Variants in PSEN2 observed in about 807,000 individuals in gnomAD.
PSEN2 encodes the protein presenilin 2, also known as presenilin-2.
In PSEN2, 32 loss-of-function variants were observed where a neutral mutation model predicts 49.1. The ratio of observed to expected loss-of-function variants is 0.65; its 90% CI spans 0.49 to 0.88. The LOEUF is 0.88. Among genes scored for constraint, PSEN2 ranks in the 40% least tolerant of loss-of-function variants. The pLI is 0.00. For missense variants in PSEN2, 522 were observed against 586.9 expected, an observed-to-expected ratio of 0.89 and a Z score of 1.14; for synonymous variants, 255 against 244.0, an observed-to-expected ratio of 1.05 and a Z score of -0.42.
At position 226,871,351 on chromosome 1, in the gene PSEN2, T is replaced by C. The variant is rs2102643963; in HGVS notation, c.-260T>C. ...AGCTAGTCCCCCCTCTGAATTTTAC[T>C]GATGAAGAAACTGAGGCCACAGAGC... On this transcript the variant is annotated 5_prime_UTR_variant, in exon 2 of 13. Coordinates refer to ENST00000366783, the MANE Select transcript of PSEN2 (RefSeq NM_000447.3). 6.6e-6 allele frequency: 1 copy of C among 152,362 alleles called. No homozygotes were observed. Among genetic ancestry groups the C allele is most frequent in the East Asian group, 1.9e-4 (1 of 5,178 alleles). 9.4% of individuals were successfully genotyped at this position (152,362 alleles called of 1,614,324 possible).
At position 226,881,919 on chromosome 1, in the gene PSEN2, C is replaced by T; in HGVS notation, c.12C>T (p.Phe4=). The T allele has an allele frequency of 6.2e-7, 1 of 1,614,232 alleles. No homozygotes were observed. Among genetic ancestry groups the T allele is most frequent in the Non-Finnish European group, 8.5e-7 (1 of 1,180,052 alleles). The change falls in exon 4 of 13, where the codon TTC becomes TTT. Residue 4 remains phenylalanine (F), a synonymous_variant. Transcript: ENST00000366783. ...CCAGAGGCAGGGCTATGCTCACATTCATGGCCTCTGACAGCGAGGAAGAAG... is the reference window on the plus strand; with the variant it reads ...CCAGAGGCAGGGCTATGCTCACATTTATGGCCTCTGACAGCGAGGAAGAAG... MLT[F]MASDSEEEVC... is the part of the protein sequence containing the mutation.
chr1:226,877,752 A>G (rs1029727351), intron 3 of PSEN2, among the ~76,000 whole-genome samples: 1 of 152,226 alleles, frequency 6.6e-6, no homozygotes, highest in African/African-American at 2.4e-5. Flanking sequence ...GCTCAAGGGA[A>G]CACTTGTTTT....
chr1:226,872,590 GACAA>G (rs943307399), intron 2 of PSEN2, among the ~76,000 whole-genome samples: 19 of 152,176 alleles, frequency 1.2e-4, no homozygotes, highest in African/African-American at 1.4e-4. Context: ...GCAACTTCCT[GACAA>G]ACAAACAAAA....
intron 3 of PSEN2, chr1:226,880,567 G>GGACAGCGATCACTCAGCCTCTGGACA: frequency 6.3e-7 from 1 of 1,580,576 alleles, no homozygotes; most frequent in Non-Finnish European, 8.5e-7. Context: ...CTCAGCCTCT[G>GGACAGCGATCACTCAGCCTCTGGACA]GACAGCGATC....
chr1:226,888,508 C>G (rs948001839), intron 7 of PSEN2, among the ~76,000 whole-genome samples: 1 of 152,224 alleles, frequency 6.6e-6, no homozygotes, highest in Non-Finnish European at 1.5e-5. Flanking sequence ...GAAAAATTAT[C>G]TGTTCTATCG....
chr1:226,878,339 C>T (rs1350964506), intron 3 of PSEN2, among the ~76,000 whole-genome samples: 2 of 152,166 alleles, frequency 1.3e-5, no homozygotes, highest in African/African-American at 4.8e-5. Context: ...CTCAGACAGG[C>T]ATGAGCACCG....
intron 2 of PSEN2, among the ~76,000 whole-genome samples, chr1:226,873,757 A>G (rs1211303877): frequency 2.0e-5 from 3 of 152,146 alleles, no homozygotes; most frequent in Non-Finnish European, 4.4e-5. Context: ...CACACTGTTC[A>G]CATATGCATA....
downstream of PSEN2, among the ~76,000 whole-genome samples, chr1:226,901,164 G>A (rs146547542): frequency 1.4e-4 from 21 of 152,222 alleles, no homozygotes; most frequent in Middle Eastern, 0.014. Context: ...GGCTACGCAC[G>A]GTGGCTCACA....
intron 2 of PSEN2, among the ~76,000 whole-genome samples, chr1:226,872,528 C>A (rs1465557329): frequency 6.6e-6 from 1 of 152,164 alleles, no homozygotes; most frequent in African/African-American, 2.4e-5. Context: ...GTATTCAACT[C>A]CTACCCGTGT....
chr1:226,884,273 TC>T (rs1661204071), intron 5 of PSEN2, among the ~76,000 whole-genome samples: 1 of 152,218 alleles, frequency 6.6e-6, no homozygotes, highest in Non-Finnish European at 1.5e-5. Context: ...AAGCTCTTGA[TC>T]CTGGGCATGG....
At chr1:226,894,504 C>T (rs567157206) in intron 12 of PSEN2, among the ~76,000 whole-genome samples, 24 of 152,346 alleles carry the variant, frequency 1.6e-4, no homozygotes, top group East Asian at 3.9e-4. Flanking sequence ...TGCCCATGGG[C>T]GCAAAGCTAG....
At chr1:226,882,126 C>G (rs990938233) in intron 4 of PSEN2, 78 bp downstream of exon 4, 4 of 1,565,286 alleles carry the variant, frequency 2.6e-6, no homozygotes, top group Non-Finnish European at 3.5e-6. Flanking sequence ...ACCAGACATT[C>G]ATTCCCTGAT....
downstream of PSEN2, among the ~76,000 whole-genome samples, chr1:226,896,851 C>T (rs79760168): frequency 8.9e-4 from 136 of 152,200 alleles, 1 homozygote; most frequent in Admixed American, 7.2e-4. Context: ...GCTGAGAAGA[C>T]GCAAGTGTGC....
intron 3 of PSEN2, among the ~76,000 whole-genome samples, chr1:226,877,724 G>A (rs578247756): frequency 6.6e-6 from 1 of 152,370 alleles, no homozygotes; most frequent in African/African-American, 2.4e-5. Context: ...TTTGAAAGTG[G>A]AATGAGGGAA....
intron 3 of PSEN2, 99 bp from the exon 4 acceptor site, chr1:226,881,789 G>A: frequency 2.2e-6 from 3 of 1,337,282 alleles, no homozygotes. Context: ...GGCAGGACTT[G>A]TGTCCAAGTC....
intron 4 of PSEN2, 38 bp from the exon 5 acceptor site, chr1:226,883,667 G>C: frequency 2.5e-6 from 4 of 1,595,378 alleles, no homozygotes; most frequent in Non-Finnish European, 3.4e-6. Context: ...GCTGCCGTGG[G>C]GGACATTCTG....
In PSEN2 at chr1:226,882,047, G is replaced by C. The variant is rs1412682521; in HGVS notation, c.140G>C (p.Trp47Ser). The change falls in exon 4 of 13, where the codon TGG becomes TCG. Residue 47 changes from tryptophan to serine, a missense_variant and splice_region_variant. Coordinates refer to ENST00000366783, the MANE Select transcript of PSEN2 (RefSeq NM_000447.3). ...GAGGATGGAGAGAACACTGCCCAGTGGGTAGGTCCCACCAGCAGCTGGGGG... is the reference window on the plus strand; with the variant it reads ...GAGGATGGAGAGAACACTGCCCAGTCGGTAGGTCCCACCAGCAGCTGGGGG... ...GPEDGENTAQ[W>S]RSQENEEDGE... is the part of the protein sequence containing the mutation. 1.2e-6 allele frequency: 2 copies of C among 1,613,754 alleles called. No individual in the cohort carries two copies. The highest frequency in any genetic ancestry group is 8.5e-7 in the Non-Finnish European group (1 of 1,179,998).
chr1:226,885,409 CA>C (rs1661290251), intron 5 of PSEN2, 128 bp from the exon 6 acceptor site: 31 of 1,035,828 alleles, frequency 3.0e-5, no homozygotes, highest in Non-Finnish European at 4.4e-5. Context: ...GCCCGCACTC[CA>C]TCAGGGCAGC....
chr1:226,903,314 T>TGCAAAGAGCCATCTTCCC (rs1662373173), intron 12 of PSEN2, among the ~76,000 whole-genome samples: 1 of 152,218 alleles, frequency 6.6e-6, no homozygotes, highest in African/African-American at 2.4e-5. Flanking sequence ...GACAGCTTCC[T>TGCAAAGAGCCATCTTCCC]GCAAAGAGCC....
Sources: gnomAD v4.1 joint callset for allele counts (sites outside exome capture counted in the v4.1 genomes callset) on GRCh38, gnomAD v4.1.1 for gene constraint, MANE v1.5 for transcripts, NCBI Gene and HGNC (gene_info 2026-07-23, HGNC 2026-07-21) for gene names.